MARCHF1: variants seen among roughly 807,000 people sequenced by gnomAD.
The protein encoded by MARCHF1 is E3 ubiquitin-protein ligase MARCHF1.
In MARCHF1, 40 loss-of-function variants were observed where a neutral mutation model predicts 54.2. That is an observed-to-expected ratio of 0.74 (90% CI 0.57 to 0.96). The LOEUF is 0.96. Among genes scored for constraint, MARCHF1 ranks in the 40% least tolerant of loss-of-function variants. MARCHF1 has a pLI of 0.00. For synonymous variants in MARCHF1, 236 were observed against 236.3 expected (o/e 1.00, Z 0.01); for missense variants, 586 against 656.5 (o/e 0.89, Z 1.17).
At chr4:164,267,508 C>T (rs1205527210) in intron 1 of MARCHF1, among the ~76,000 whole-genome samples, 2 of 152,064 alleles carry the variant, frequency 1.3e-5, no homozygotes, top group Non-Finnish European at 2.9e-5. Flanking sequence ...TGTAGCCAAC[C>T]CTAAGTGAAG....
At chr4:163,903,796 T>G (rs894432377) in intron 3 of MARCHF1, among the ~76,000 whole-genome samples, 3 of 151,984 alleles carry the variant, frequency 2.0e-5, no homozygotes, top group African/African-American at 7.2e-5. Flanking sequence ...GTATTTTTTG[T>G]AGAGATATAG....
At chr4:164,239,984 C>A (rs1294644150) in intron 1 of MARCHF1, among the ~76,000 whole-genome samples, 1 of 152,196 alleles carries the variant, frequency 6.6e-6, no homozygotes, top group Admixed American at 6.5e-5. Flanking sequence ...TTGCTCTAAA[C>A]ATTCAGTGTT....
At chr4:163,911,894 T>C (rs1198365198) in intron 3 of MARCHF1, among the ~76,000 whole-genome samples, 1 of 152,112 alleles carries the variant, frequency 6.6e-6, no homozygotes, top group African/African-American at 2.4e-5. Context: ...CCCAGAACTA[T>C]AAGAAAATAA....
At chr4:164,224,665 A>G (rs1732202257) in intron 1 of MARCHF1, among the ~76,000 whole-genome samples, 2 of 152,190 alleles carry the variant, frequency 1.3e-5, no homozygotes, top group Admixed American at 6.6e-5. Context: ...AATGCTTTAT[A>G]TAAGAGAGCT....
chr4:163,617,631 T>C (rs1326027770), intron 5 of MARCHF1, among the ~76,000 whole-genome samples: 1 of 152,170 alleles, frequency 6.6e-6, no homozygotes, highest in Non-Finnish European at 1.5e-5. Context: ...AGAATATCTG[T>C]TCTCTAAGCA....
At chr4:163,976,802 T>A (rs1390190811) in intron 3 of MARCHF1, among the ~76,000 whole-genome samples, 2 of 152,124 alleles carry the variant, frequency 1.3e-5, no homozygotes, top group African/African-American at 2.4e-5. Flanking sequence ...ACATCTCAAA[T>A]CACGTGTCTG....
intron 1 of MARCHF1, among the ~76,000 whole-genome samples, chr4:164,326,738 C>T (rs1269995594): frequency 6.6e-6 from 1 of 152,160 alleles, no homozygotes; most frequent in Non-Finnish European, 1.5e-5. Flanking sequence ...AGGCAACTAA[C>T]ACATTTTCAA....
intron 1 of MARCHF1, among the ~76,000 whole-genome samples, chr4:164,138,232 T>G (rs1756443443): frequency 6.6e-6 from 1 of 152,084 alleles, no homozygotes; most frequent in South Asian, 2.1e-4. Context: ...TTTTTTTTTC[T>G]TTTGCAATTG....
chr4:163,908,748 T>C (rs540287846), intron 3 of MARCHF1, among the ~76,000 whole-genome samples: 4 of 152,264 alleles, frequency 2.6e-5, no homozygotes, highest in African/African-American at 9.6e-5. Context: ...GGCTAAGGGC[T>C]AAAATGTAAT....
chr4:164,226,595 ATATT>A (rs1227126683), intron 1 of MARCHF1, among the ~76,000 whole-genome samples: 1 of 152,090 alleles, frequency 6.6e-6, no homozygotes, highest in East Asian at 1.9e-4. Flanking sequence ...AAGATATGTA[ATATT>A]TATATCCATT....
At chr4:163,986,065 C>A (rs1171157247) in intron 3 of MARCHF1, among the ~76,000 whole-genome samples, 5 of 151,770 alleles carry the variant, frequency 3.3e-5, no homozygotes, top group Admixed American at 6.6e-5. Context: ...CGGCGGCCTA[C>A]AAGATTGACT....
intron 8 of MARCHF1, among the ~76,000 whole-genome samples, chr4:163,569,728 C>T (rs1475020359): frequency 6.6e-6 from 1 of 152,074 alleles, no homozygotes; most frequent in African/African-American, 2.4e-5. Flanking sequence ...TGGTCAAATG[C>T]AGTAGATTAA....
chr4:163,744,064 T>C (rs1746287098), intron 4 of MARCHF1, among the ~76,000 whole-genome samples: 2 of 152,194 alleles, frequency 1.3e-5, no homozygotes, highest in South Asian at 2.1e-4. Flanking sequence ...AAATGGACTG[T>C]TATTTTCAAA....
intron 4 of MARCHF1, among the ~76,000 whole-genome samples, chr4:163,754,774 A>G (rs780342174): frequency 4.6e-5 from 7 of 152,128 alleles, no homozygotes; most frequent in Admixed American, 2.6e-4. Flanking sequence ...ACACTTACAC[A>G]GGAAAAAGAG....
intron 8 of MARCHF1, among the ~76,000 whole-genome samples, chr4:163,551,821 C>G (rs566904231): frequency 6.6e-6 from 1 of 152,100 alleles, no homozygotes; most frequent in Non-Finnish European, 1.5e-5. Context: ...TGCCTGCTGC[C>G]GTGTAAGACA....
intron 4 of MARCHF1, among the ~76,000 whole-genome samples, chr4:163,825,726 C>T (rs1289555215): frequency 6.6e-6 from 1 of 151,828 alleles, no homozygotes; most frequent in Non-Finnish European, 1.5e-5. Flanking sequence ...ATAATGTTGG[C>T]TGCATTTACA....
At chr4:163,983,966 T>A (rs1186442298) in intron 3 of MARCHF1, among the ~76,000 whole-genome samples, 1 of 37,552 alleles carries the variant, frequency 2.7e-5, no homozygotes, top group Non-Finnish European at 9.7e-5. Flanking sequence ...TACTAAAAAT[T>A]TTTTTTTAGT....
intron 1 of MARCHF1, among the ~76,000 whole-genome samples, chr4:164,382,303 C>A (rs2110993033): frequency 6.6e-6 from 1 of 152,164 alleles, no homozygotes; most frequent in African/African-American, 2.4e-5. Context: ...TCATTAGAAT[C>A]ATCTATCTTT....
chr4:163,733,178 T>TGTATAA (rs60123430), intron 4 of MARCHF1, among the ~76,000 whole-genome samples: 24 of 11,264 alleles, frequency 2.1e-3, no homozygotes, highest in Admixed American at 3.1e-3. Flanking sequence ...TGTATGTGTG[T>TGTATAA]ATATATATAT....
Sources: allele counts gnomAD v4.1 joint callset (sites outside exome capture counted in the v4.1 genomes callset), GRCh38; gene constraint gnomAD v4.1.1; transcripts MANE v1.5; gene names NCBI Gene and HGNC (gene_info 2026-07-23, HGNC 2026-07-21).